Variants in RSRC1 observed in about 807,000 individuals in gnomAD.
The protein encoded by RSRC1 is serine/Arginine-related protein 53.
A neutral mutation model predicts 49.1 loss-of-function variants in RSRC1; 39 were observed. That is an observed-to-expected ratio of 0.79 (90% CI 0.61 to 1.04). RSRC1 has a LOEUF of 1.04. Among genes scored for constraint, RSRC1 ranks in the 50% least tolerant of loss-of-function variants. The pLI is 0.00. For synonymous variants in RSRC1, 143 were observed against 130.8 expected (o/e 1.09, Z -0.63); for missense variants, 388 against 402.4 (o/e 0.96, Z 0.31).
chr3:158,296,080 C>A (rs1193053356), intron 4 of RSRC1, among the ~76,000 whole-genome samples: 1 of 151,998 alleles, frequency 6.6e-6, no homozygotes, highest in Non-Finnish European at 1.5e-5. Flanking sequence ...ATGTCTAGCC[C>A]CAGCTATTTC....
intron 1 of RSRC1, 35 bp from the exon 2 acceptor site, chr3:158,122,068 G>A (rs1715294050): frequency 7.7e-7 from 1 of 1,299,142 alleles, no homozygotes; most frequent in Non-Finnish European, 1.0e-6. Flanking sequence ...GTGCCACCAT[G>A]TTAGAAATAA....
chr3:158,343,935 T>C (rs1730399261), intron 5 of RSRC1, among the ~76,000 whole-genome samples: 1 of 151,964 alleles, frequency 6.6e-6, no homozygotes, highest in Non-Finnish European at 1.5e-5. Context: ...TGATAAAAAC[T>C]ATAAACCAAC....
intron 6 of RSRC1, among the ~76,000 whole-genome samples, chr3:158,459,214 TA>T (rs979109104): frequency 6.6e-6 from 1 of 151,946 alleles, no homozygotes; most frequent in Non-Finnish European, 1.5e-5. Flanking sequence ...ATTTGCAGTT[TA>T]AAAAAAACAT....
intron 5 of RSRC1, among the ~76,000 whole-genome samples, chr3:158,302,077 A>G (rs1405518270): frequency 1.5e-5 from 2 of 135,248 alleles, no homozygotes; most frequent in African/African-American, 5.6e-5. Flanking sequence ...GCTTAACATT[A>G]TATCCTGGAA....
At chr3:158,381,615 C>T (rs149500522) in intron 6 of RSRC1, among the ~76,000 whole-genome samples, 110 of 152,222 alleles carry the variant, frequency 7.2e-4, no homozygotes, top group African/African-American at 2.6e-3. Flanking sequence ...GGTGGTATAA[C>T]CTACTACACA....
chr3:158,144,284 C>G (rs1243299588), intron 3 of RSRC1, among the ~76,000 whole-genome samples: 1 of 152,068 alleles, frequency 6.6e-6, no homozygotes, highest in African/African-American at 2.4e-5. Context: ...TCCCTCCCCC[C>G]TCCTCCCACC....
chr3:158,396,961 G>A (rs116174464), intron 6 of RSRC1, among the ~76,000 whole-genome samples: 1,690 of 152,192 alleles, frequency 0.011, 16 homozygotes, highest in Middle Eastern at 0.02. Flanking sequence ...CAACAGTTTA[G>A]AAAGGTCAAA....
Position 158,116,081 on chromosome 3 carries a change from C to CA in RSRC1, c.-3+5863dup, listed in dbSNP as rs151156188. Reference sequence around the variant, plus strand: ...AATGTTAACACCCTTCATTATATATCAAAAATTCATGTTTGTTAATGTCAC... The same window carrying CA: ...AATGTTAACACCCTTCATTATATATCAAAAAATTCATGTTTGTTAATGTCAC... On this transcript the variant is annotated intron_variant, in intron 1 of 9. Transcript: ENST00000611884. Among the ~76,000 whole-genome samples, 188 of 152,216 alleles carry CA rather than the reference C, an allele frequency of 1.2e-3. 1 individual carries two copies. Among genetic ancestry groups the CA allele is most frequent in the African/African-American group, 3.5e-3 (144 of 41,542 alleles).
chr3:158,111,700 T>C (rs1020835829), intron 1 of RSRC1, among the ~76,000 whole-genome samples: 1 of 152,224 alleles, frequency 6.6e-6, no homozygotes, highest in Non-Finnish European at 1.5e-5. Context: ...TAACCATTGT[T>C]TTCACTTTTT....
At chr3:158,329,616 A>G (rs1025394266) in intron 5 of RSRC1, among the ~76,000 whole-genome samples, 1 of 152,136 alleles carries the variant, frequency 6.6e-6, no homozygotes, top group East Asian at 1.9e-4. Context: ...TCAGAGGGGT[A>G]CCCGGCTGTG....
chr3:158,325,044 C>T (rs530550054), intron 5 of RSRC1, among the ~76,000 whole-genome samples: 1 of 152,168 alleles, frequency 6.6e-6, no homozygotes, highest in Non-Finnish European at 1.5e-5. Context: ...TGAGAAGTGT[C>T]TGTTCATATC....
intron 5 of RSRC1, among the ~76,000 whole-genome samples, chr3:158,317,745 A>G (rs1404367130): frequency 6.6e-6 from 1 of 151,544 alleles, no homozygotes; most frequent in African/African-American, 2.4e-5. Flanking sequence ...TTTTAAGTAG[A>G]GACAGGGTCT....
chr3:158,456,320 T>C (rs1363353497), intron 6 of RSRC1, among the ~76,000 whole-genome samples: 1 of 151,140 alleles, frequency 6.6e-6, no homozygotes, highest in Non-Finnish European at 1.5e-5. Context: ...TTTTTTTTTT[T>C]TTTTAATAGG....
At chr3:158,428,116 T>A (rs908912713) in intron 6 of RSRC1, among the ~76,000 whole-genome samples, 7 of 151,714 alleles carry the variant, frequency 4.6e-5, no homozygotes, top group Non-Finnish European at 7.4e-5. Context: ...CCAACCAGAA[T>A]GGTAATATTG....
At chr3:158,537,222 G>A (rs903521782) in intron 8 of RSRC1, 24 bp downstream of exon 8, 19 of 1,401,770 alleles carry the variant, frequency 1.4e-5, no homozygotes, top group East Asian at 2.4e-5. Flanking sequence ...CACCCATTAT[G>A]AGTAAACCTT....
intron 6 of RSRC1, among the ~76,000 whole-genome samples, chr3:158,385,380 A>G (rs1376522037): frequency 6.6e-6 from 1 of 152,198 alleles, no homozygotes; most frequent in Non-Finnish European, 1.5e-5. Context: ...GTGTCAGGAA[A>G]ACTACAAAGT....
At chr3:158,448,127 C>T (rs1736820824) in intron 6 of RSRC1, among the ~76,000 whole-genome samples, 1 of 151,710 alleles carries the variant, frequency 6.6e-6, no homozygotes, top group Non-Finnish European at 1.5e-5. Flanking sequence ...AGTGGCCAAA[C>T]CGACTTCAAA....
At chr3:158,420,591 T>C (rs922785971) in intron 6 of RSRC1, among the ~76,000 whole-genome samples, 5 of 151,908 alleles carry the variant, frequency 3.3e-5, no homozygotes, top group Admixed American at 3.3e-4. Flanking sequence ...AACTAGATGG[T>C]CTCTAAGATC....
rs896198782 is a variant in RSRC1 at position 158,129,435 on chromosome 3, T to C, written c.320+5444T>C. ...CCTCCCGGGTAGCTGGGATTACAGG[T>C]GCCCACCACCACGTCCAGCTAATTT... is the stretch of plus-strand genomic sequence containing the variant. On this transcript the variant is annotated intron_variant, in intron 3 of 9. Transcript: ENST00000611884. Among the ~76,000 whole-genome samples, 3 of 151,676 alleles carry C rather than the reference T, an allele frequency of 2.0e-5. No individual in the cohort carries two copies. In the South Asian group the frequency reaches 6.2e-4, roughly 31 times the overall value.
Sources: gnomAD v4.1 joint callset for allele counts (sites outside exome capture counted in the v4.1 genomes callset) on GRCh38, gnomAD v4.1.1 for gene constraint, MANE v1.5 for transcripts, NCBI Gene and HGNC (gene_info 2026-07-23, HGNC 2026-07-21) for gene names.